The following EPHA3 variants were observed in gnomAD, a reference collection of about 807,000 sequenced individuals.
EPHA3 encodes the protein EPH receptor A3.
Under a neutral mutation model 107.1 loss-of-function variants are expected in EPHA3, and 42 were observed. The observed-to-expected ratio is 0.39, with a 90% CI of 0.31 to 0.51. The LOEUF (loss-of-function observed/expected upper bound fraction) is 0.51. EPHA3 is among the 20% of genes least tolerant of loss of function. The pLI is 0.78. For synonymous variants in EPHA3, 461 were observed against 424.8 expected (o/e 1.09, Z -1.05); for missense variants, 1,183 against 1,211.2 (o/e 0.98, Z 0.35).
chr3:89,159,840 G>C (rs1704890811), intron 2 of EPHA3, among the ~76,000 whole-genome samples: 1 of 152,076 alleles, frequency 6.6e-6, no homozygotes, highest in Non-Finnish European at 1.5e-5. Flanking sequence ...ATTGTGTTGA[G>C]GTATAAAGGA....
At chr3:89,125,673 A>T (rs1406444091) in intron 1 of EPHA3, among the ~76,000 whole-genome samples, 1 of 151,634 alleles carries the variant, frequency 6.6e-6, no homozygotes, top group Non-Finnish European at 1.5e-5. Flanking sequence ...TTTAATCATT[A>T]AGGAATTATA....
chr3:89,372,016 A>T (rs542604912), intron 5 of EPHA3, among the ~76,000 whole-genome samples: 2,313 of 151,560 alleles, frequency 0.015, 44 homozygotes, highest in African/African-American at 0.053. Flanking sequence ...AAAAAAAAAA[A>T]TAAAACCATT....
intron 3 of EPHA3, among the ~76,000 whole-genome samples, chr3:89,304,155 G>A (rs1015984035): frequency 6.6e-6 from 1 of 151,968 alleles, no homozygotes; most frequent in Admixed American, 6.6e-5. Flanking sequence ...GGAACCAACT[G>A]TGGTTTTCCC....
At chr3:89,172,150 A>G (rs1221549698) in intron 2 of EPHA3, among the ~76,000 whole-genome samples, 1 of 151,824 alleles carries the variant, frequency 6.6e-6, no homozygotes, top group Non-Finnish European at 1.5e-5. Context: ...TATAAATGTT[A>G]ATGGCCTGAC....
chr3:89,130,902 T>C (rs9834135), intron 2 of EPHA3, among the ~76,000 whole-genome samples: 144,218 of 152,266 alleles, frequency 0.95, 68,366 homozygotes, highest in Admixed American at 0.97. Flanking sequence ...TCCCAAAATG[T>C]TGGGATTACA....
intron 2 of EPHA3, among the ~76,000 whole-genome samples, chr3:89,154,080 CT>C (rs1704743134): frequency 6.6e-6 from 1 of 152,024 alleles, no homozygotes; most frequent in African/African-American, 2.4e-5. Flanking sequence ...ATATTGACCT[CT>C]CGTTGTGGCT....
At chr3:89,378,310 ATTCAT>A (rs918277835) in intron 5 of EPHA3, among the ~76,000 whole-genome samples, 3 of 152,126 alleles carry the variant, frequency 2.0e-5, no homozygotes, top group African/African-American at 7.2e-5. Flanking sequence ...CATGAAATCC[ATTCAT>A]TTCAAGTGGA....
intron 15 of EPHA3, among the ~76,000 whole-genome samples, chr3:89,470,720 T>C (rs1426245701): frequency 1.3e-5 from 2 of 152,150 alleles, no homozygotes; most frequent in African/African-American, 2.4e-5. Context: ...TGAACAAAGT[T>C]TTACCTAAAT....
chr3:89,309,839 CTTCT>C (rs901577315), intron 3 of EPHA3, among the ~76,000 whole-genome samples: 1 of 151,322 alleles, frequency 6.6e-6, no homozygotes, highest in Non-Finnish European at 1.5e-5. Context: ...GGGCCCATTC[CTTCT>C]TTCTTCTCTT....
At chr3:89,154,482 A>G (rs1286986796) in intron 2 of EPHA3, among the ~76,000 whole-genome samples, 1 of 151,976 alleles carries the variant, frequency 6.6e-6, no homozygotes, top group African/African-American at 2.4e-5. Context: ...GAAGTGCAGC[A>G]AAACATAGTC....
chr3:89,163,977 A>G (rs1481991708), intron 2 of EPHA3, among the ~76,000 whole-genome samples: 1 of 152,212 alleles, frequency 6.6e-6, no homozygotes, highest in Non-Finnish European at 1.5e-5. Context: ...AGAGAAGTCA[A>G]TAGTTAGGAG....
intron 2 of EPHA3, among the ~76,000 whole-genome samples, chr3:89,175,478 A>G (rs1018596284): frequency 1.3e-5 from 2 of 152,188 alleles, no homozygotes; most frequent in Admixed American, 6.5e-5. Flanking sequence ...TTCTTTAAAT[A>G]TTAAGACACA....
intron 15 of EPHA3, among the ~76,000 whole-genome samples, chr3:89,459,764 C>A (rs1486888906): frequency 6.6e-6 from 1 of 152,126 alleles, no homozygotes; most frequent in African/African-American, 2.4e-5. Flanking sequence ...CTCAGGTGAT[C>A]CACTTGCCTT....
At chr3:89,134,253 A>C (rs917600003) in intron 2 of EPHA3, among the ~76,000 whole-genome samples, 16 of 151,688 alleles carry the variant, frequency 1.1e-4, no homozygotes, top group African/African-American at 3.9e-4. Context: ...GTTCTAGGGT[A>C]CATGAGCACA....
At chr3:89,137,250 A>G (rs1214215828) in intron 2 of EPHA3, among the ~76,000 whole-genome samples, 1 of 151,944 alleles carries the variant, frequency 6.6e-6, no homozygotes, top group Non-Finnish European at 1.5e-5. Context: ...TGAAGGATAT[A>G]AGAACAAGAT....
At chr3:89,237,091 G>T (rs1291699499) in intron 3 of EPHA3, among the ~76,000 whole-genome samples, 1 of 152,212 alleles carries the variant, frequency 6.6e-6, no homozygotes, top group Non-Finnish European at 1.5e-5. Flanking sequence ...GCCAGACATG[G>T]TGACTCATGC....
intron 3 of EPHA3, among the ~76,000 whole-genome samples, chr3:89,311,593 C>G (rs892593250): frequency 6.6e-6 from 1 of 152,020 alleles, no homozygotes; most frequent in Non-Finnish European, 1.5e-5. Flanking sequence ...GTTTAACATT[C>G]TCTCCAGTGC....
chr3:89,241,722 A>G (rs1167821461), intron 3 of EPHA3, among the ~76,000 whole-genome samples: 1 of 152,218 alleles, frequency 6.6e-6, no homozygotes, highest in Non-Finnish European at 1.5e-5. Context: ...TGATTTTAAG[A>G]GAATGCAACG....
intron 3 of EPHA3, among the ~76,000 whole-genome samples, chr3:89,260,325 C>T (rs1705384955): frequency 6.6e-6 from 1 of 152,114 alleles, no homozygotes; most frequent in Admixed American, 6.6e-5. Context: ...CTCTTTTCTC[C>T]CCACCCTAGC....
Sources: allele counts gnomAD v4.1 joint callset (sites outside exome capture counted in the v4.1 genomes callset), GRCh38; gene constraint gnomAD v4.1.1; transcripts MANE v1.5; gene names NCBI Gene and HGNC (gene_info 2026-07-23, HGNC 2026-07-21).